NCAM1: variants seen among roughly 807,000 people sequenced by gnomAD.
NCAM1 encodes antigen recognized by monoclonal antibody 5.1H11.
Under a neutral mutation model 109.8 loss-of-function variants are expected in NCAM1, and 14 were observed. That is an observed-to-expected ratio of 0.13 (90% CI 0.08 to 0.20). The LOEUF (loss-of-function observed/expected upper bound fraction) is 0.20. NCAM1 is among the 10% of genes least tolerant of loss of function. The probability of loss-of-function intolerance (pLI) is 1.00; values close to 1 mark genes in which losing one functional copy is unlikely to be tolerated. For synonymous variants in NCAM1, 418 were observed against 442.9 expected, an observed-to-expected ratio of 0.94 and a Z score of 0.70; for missense variants, 774 against 1,109.9, an observed-to-expected ratio of 0.70 and a Z score of 4.30.
Position 113,065,762 on chromosome 11 carries a change from T to C in NCAM1, c.52+104098T>C, listed in dbSNP as rs565263767. On this transcript the variant is annotated intron_variant, in intron 1 of 19. Transcript: ENST00000316851. ...GGAGATGTAACAACAAATTATAATA[T>C]GATACCCTGGATAGGGTCCTGGAAC... Among the ~76,000 whole-genome samples the C allele has an allele frequency of 3.3e-5, 5 of 152,260 alleles. 1 individual carries two copies. The South Asian group carries it at 1.0e-3, about 32-fold the overall frequency.
rs1269832742 is a variant in NCAM1 at position 112,963,719 on chromosome 11, A to T, written c.52+2055A>T. Among the ~76,000 whole-genome samples, 8 of 152,054 alleles carry T rather than the reference A, an allele frequency of 5.3e-5. No individual in the cohort carries two copies. Among genetic ancestry groups the T allele is most frequent in the Non-Finnish European group, 1.0e-4 (7 of 68,002 alleles). On this transcript the variant is annotated intron_variant, in intron 1 of 19. Transcript: ENST00000316851. The surrounding 1 kb of genome is among the most constrained non-coding windows in gnomAD (Gnocchi z 4.6). The stretch of plus-strand genomic sequence containing the variant: ...GTGGGAGCGTGACAATGGAGCCCGG[A>T]TATTTGGTGGGCCTTTTGGGGGATC...
chr11:112,983,923 C>T (rs148527604), intron 1 of NCAM1, among the ~76,000 whole-genome samples: 122 of 151,920 alleles, frequency 8.0e-4, no homozygotes, highest in African/African-American at 2.9e-3. Context: ...TTCTTAAAGT[C>T]TACTGTCTTA....
intron 1 of NCAM1, among the ~76,000 whole-genome samples, chr11:113,121,332 T>A (rs1211495484): frequency 6.6e-6 from 1 of 150,846 alleles, no homozygotes; most frequent in Non-Finnish European, 1.5e-5. Flanking sequence ...GTGATTCTCA[T>A]GCCTCAGTCT....
intron 7 of NCAM1, 125 bp from the exon 8 acceptor site, chr11:113,214,244 A>G (rs1462130924): frequency 1.6e-5 from 16 of 993,992 alleles, no homozygotes; most frequent in Non-Finnish European, 2.3e-5. Flanking sequence ...GCATCTCCTA[A>G]AACACCTAGA....
At chr11:113,264,468 G>A (rs1555124049) in intron 17 of NCAM1, 7 of 985,690 alleles carry the variant, frequency 7.1e-6, no homozygotes, top group Non-Finnish European at 8.4e-6. Flanking sequence ...CTCCCCGCTG[G>A]AGTCCCAGAT....
chr11:113,242,782 TTCTG>T (rs782723068), intron 14 of NCAM1: 8 of 1,609,292 alleles, frequency 5.0e-6, no homozygotes, highest in Non-Finnish European at 6.8e-6. Flanking sequence ...TCTTTGCCTT[TTCTG>T]TCTGTCGTGT....
At chr11:113,028,987 A>G (rs575249580) in intron 1 of NCAM1, among the ~76,000 whole-genome samples, 13 of 152,292 alleles carry the variant, frequency 8.5e-5, no homozygotes, top group Non-Finnish European at 1.5e-4. Context: ...TTATGACATG[A>G]GCAGAACTGA....
At chr11:113,261,884 G>T (rs1169148391) in intron 17 of NCAM1, among the ~76,000 whole-genome samples, 1 of 152,174 alleles carries the variant, frequency 6.6e-6, no homozygotes, top group Non-Finnish European at 1.5e-5. Context: ...GGCTTCTGTG[G>T]TTTTTGTGTC....
In NCAM1 at chr11:112,987,770, T is replaced by C. The variant is rs556571195; in HGVS notation, c.52+26106T>C. On this transcript the variant is annotated intron_variant, in intron 1 of 19. Coordinates refer to ENST00000316851, the MANE Select transcript of NCAM1 (RefSeq NM_181351.5). ...TTTCTACCCCTTCAGTTTTATTCTATGTTTGTCCTTAAAGCTTCTGAAGTG... is the reference window on the plus strand; with the variant it reads ...TTTCTACCCCTTCAGTTTTATTCTACGTTTGTCCTTAAAGCTTCTGAAGTG... 9.2e-5 allele frequency among the ~76,000 whole-genome samples: 14 copies of C among 152,278 alleles called. No homozygotes were observed. The South Asian group carries it at 2.5e-3, about 27-fold the overall frequency.
chr11:113,168,302 G>GT (rs1157922859), intron 1 of NCAM1, among the ~76,000 whole-genome samples: 1 of 152,138 alleles, frequency 6.6e-6, no homozygotes, highest in South Asian at 2.1e-4. Context: ...TTTTGTTTTT[G>GT]TTTTTTTGCC....
chr11:113,205,458 C>G (rs1944208646), intron 3 of NCAM1, 65 bp from the exon 4 acceptor site: 2 of 1,550,888 alleles, frequency 1.3e-6, no homozygotes, highest in Admixed American at 1.9e-5. Flanking sequence ...TACCATGGCT[C>G]TAGTGAAAGG....
chr11:112,995,130 T>C (rs1951560016), intron 1 of NCAM1, among the ~76,000 whole-genome samples: 1 of 152,074 alleles, frequency 6.6e-6, no homozygotes, highest in Non-Finnish European at 1.5e-5. Context: ...ACTGCTGAAT[T>C]ACAGTAGTTA....
At chr11:113,003,364 A>G (rs1401632837) in intron 1 of NCAM1, among the ~76,000 whole-genome samples, 1 of 152,252 alleles carries the variant, frequency 6.6e-6, no homozygotes, top group Non-Finnish European at 1.5e-5. Flanking sequence ...CATAGTGCTC[A>G]TGATCAGCAC....
At chr11:113,265,665 A>G (rs1555124303) in intron 17 of NCAM1, among the ~76,000 whole-genome samples, 1 of 152,214 alleles carries the variant, frequency 6.6e-6, no homozygotes, top group Non-Finnish European at 1.5e-5. Flanking sequence ...CCCTGAGACC[A>G]GCCATCTGTT....
chr11:113,061,447 T>C (rs1435483530), intron 1 of NCAM1, among the ~76,000 whole-genome samples: 4 of 152,228 alleles, frequency 2.6e-5, no homozygotes, highest in African/African-American at 9.6e-5. Context: ...AGGTGAATTA[T>C]GGAAGTGGTA....
intron 1 of NCAM1, among the ~76,000 whole-genome samples, chr11:113,042,812 C>T (rs910977234): frequency 3.3e-5 from 5 of 152,116 alleles, no homozygotes; most frequent in African/African-American, 4.8e-5. Flanking sequence ...CCAGATTCCC[C>T]GCTCGCCCCT....
chr11:113,001,422 A>G (rs1405599820), intron 1 of NCAM1, among the ~76,000 whole-genome samples: 1 of 152,178 alleles, frequency 6.6e-6, no homozygotes, highest in African/African-American at 2.4e-5. Context: ...GTCATGGTTT[A>G]TTGGGCATTT....
rs375385430 is a variant in NCAM1, at chr11:113,275,463, G to GAC, written c.*85_*86dup. 3.2e-5 allele frequency: 49 copies of GAC among 1,534,476 alleles called. No homozygotes were observed. Among genetic ancestry groups the GAC allele is most frequent in the Non-Finnish European group, 4.3e-5 (49 of 1,129,368 alleles). On this transcript the variant is annotated 3_prime_UTR_variant, in exon 20 of 20. Coordinates refer to ENST00000316851, the MANE Select transcript of NCAM1 (RefSeq NM_181351.5). ...TCACCAGAGCATTTCCAACACCACA[G>GAC]ACACACACACGCACGCACACACACA... is the stretch of plus-strand genomic sequence containing the variant.
intron 1 of NCAM1, among the ~76,000 whole-genome samples, chr11:112,971,932 T>A (rs1270279853): frequency 2.0e-5 from 3 of 152,142 alleles, no homozygotes; most frequent in African/African-American, 7.2e-5. Context: ...TTAAAGCAGA[T>A]AATTTTGGAA....
Sources: allele counts gnomAD v4.1 joint callset (sites outside exome capture counted in the v4.1 genomes callset), GRCh38; gene constraint gnomAD v4.1.1; non-coding constraint Gnocchi (gnomAD v3.1); transcripts MANE v1.5; gene names NCBI Gene and HGNC (gene_info 2026-07-23, HGNC 2026-07-21).